Variants in LUZP2 observed in about 807,000 individuals in gnomAD.
The protein encoded by LUZP2 is leucine zipper protein 2.
Under a neutral mutation model 51.6 loss-of-function variants are expected in LUZP2, and 52 were observed. The observed-to-expected ratio is 1.01, with a 90% CI of 0.81 to 1.27. The LOEUF is 1.27. LUZP2 is among the 50% of genes most tolerant of loss of function. LUZP2 has a pLI of 0.00. For missense variants in LUZP2, 436 were observed against 395.4 expected, an observed-to-expected ratio of 1.10 and a Z score of -0.87; for synonymous variants, 154 against 137.3, an observed-to-expected ratio of 1.12 and a Z score of -0.85.
At chr11:24,711,366 C>T (rs988184545) in intron 1 of LUZP2, among the ~76,000 whole-genome samples, 7 of 151,940 alleles carry the variant, frequency 4.6e-5, no homozygotes, top group Admixed American at 6.5e-5. Flanking sequence ...AGGAGAATGG[C>T]GTGAACCCGG....
At chr11:24,528,086 T>C (rs1240302093) in intron 1 of LUZP2, among the ~76,000 whole-genome samples, 3 of 151,286 alleles carry the variant, frequency 2.0e-5, no homozygotes, top group Non-Finnish European at 3.0e-5. Flanking sequence ...TGTAGACATT[T>C]TTTTGATGAA....
At chr11:24,593,136 G>C (rs1853315618) in intron 1 of LUZP2, among the ~76,000 whole-genome samples, 1 of 152,076 alleles carries the variant, frequency 6.6e-6, no homozygotes, top group Non-Finnish European at 1.5e-5. Context: ...AGCTTAGACA[G>C]TCCATTTTTG....
In LUZP2 at chr11:24,933,371, T is replaced by C. The variant is rs79902258; in HGVS notation, c.522+18833T>C. 9.7e-3 allele frequency among the ~76,000 whole-genome samples: 1,473 copies of C among 152,318 alleles called. 20 individuals are homozygous for C. The highest frequency in any genetic ancestry group is 0.045 in the South Asian group (217 of 4,828). On this transcript the variant is annotated intron_variant, in intron 7 of 11. Coordinates refer to ENST00000336930, the MANE Select transcript of LUZP2 (RefSeq NM_001009909.4). ...CCATTTTCGCTGGAATCTCAAAGTA[T>C]TGAAATTTTAAAGAGAATTTGGGTA...
chr11:24,819,575 T>A (rs1212547107), intron 5 of LUZP2, among the ~76,000 whole-genome samples: 1 of 152,096 alleles, frequency 6.6e-6, no homozygotes, highest in Non-Finnish European at 1.5e-5. Flanking sequence ...TGAAATATAT[T>A]TTTTACTGCT....
chr11:24,659,180 A>G (rs1462151223), intron 1 of LUZP2, among the ~76,000 whole-genome samples: 3 of 152,350 alleles, frequency 2.0e-5, no homozygotes, highest in Middle Eastern at 3.4e-3. Flanking sequence ...CCAAATGTCC[A>G]TCAATGATAA....
chr11:24,751,583 T>C, intron 4 of LUZP2: 2 of 982,978 alleles, frequency 2.0e-6, no homozygotes, highest in Non-Finnish European at 2.4e-6. Context: ...CCATCTCCCT[T>C]AGATCCCCTA....
chr11:24,514,063 A>G (rs1458960643), intron 1 of LUZP2, among the ~76,000 whole-genome samples: 2 of 152,168 alleles, frequency 1.3e-5, no homozygotes, highest in South Asian at 2.1e-4. Flanking sequence ...GGAAAATAAA[A>G]TGTCTTAAAG....
Position 24,905,977 on chromosome 11 carries a change from G to A in LUZP2, c.397-14G>A, listed in dbSNP as rs781126664. ...TGTCTCTTCTTTGCAATAAAACTAT[G>A]TTTTCTTCCTCAGAATAAAAGCTTG... On this transcript the variant is annotated splice_polypyrimidine_tract_variant and intron_variant, in intron 5 of 11. Transcript: ENST00000336930. 4 of 1,591,732 alleles carry A rather than the reference G, an allele frequency of 2.5e-6. No homozygotes were observed. The East Asian group carries it at 9.0e-5, about 36-fold the overall frequency.
At chr11:24,693,286 A>G (rs1857136792) in intron 1 of LUZP2, among the ~76,000 whole-genome samples, 1 of 151,496 alleles carries the variant, frequency 6.6e-6, no homozygotes, top group Admixed American at 6.6e-5. Context: ...CTAGAATGGC[A>G]ATATTTTCTG....
chr11:24,881,128 T>G (rs1450505425), intron 5 of LUZP2, among the ~76,000 whole-genome samples: 2 of 152,300 alleles, frequency 1.3e-5, no homozygotes, highest in South Asian at 4.1e-4. Flanking sequence ...CTGTCTGTGG[T>G]ATATGAATTT....
chr11:24,811,769 A>G (rs1013172466), intron 5 of LUZP2, among the ~76,000 whole-genome samples: 4 of 152,118 alleles, frequency 2.6e-5, no homozygotes, highest in Non-Finnish European at 5.9e-5. Context: ...TCCTGCCTAG[A>G]TTAGATAAGG....
chr11:24,645,498 A>G (rs1443919750), intron 1 of LUZP2, among the ~76,000 whole-genome samples: 1 of 152,116 alleles, frequency 6.6e-6, no homozygotes, highest in Non-Finnish European at 1.5e-5. Flanking sequence ...TGCCATAGCA[A>G]TGGGGAAACC....
intron 10 of LUZP2, among the ~76,000 whole-genome samples, chr11:25,051,955 C>G (rs1278386080): frequency 6.6e-6 from 1 of 152,092 alleles, no homozygotes; most frequent in Admixed American, 6.6e-5. Context: ...TTGTGTTGTT[C>G]TCCTTTGTCA....
At position 24,869,525 on chromosome 11, in the gene LUZP2, C is replaced by T. The variant is rs570595191; in HGVS notation, c.397-36466C>T. Among the ~76,000 whole-genome samples, 4 of 152,106 alleles carry T rather than the reference C, an allele frequency of 2.6e-5. No individual in the cohort carries two copies. In the East Asian group the frequency reaches 7.7e-4, roughly 29 times the overall value. On this transcript the variant is annotated intron_variant, in intron 5 of 11. Transcript: ENST00000336930. ...AGGCTGGAGTGGAGTGGCATGAATT[C>T]AGCTCATTGTAACCTCTGCCTTCGG...
At chr11:24,652,503 G>C (rs1187430950) in intron 1 of LUZP2, among the ~76,000 whole-genome samples, 1 of 152,026 alleles carries the variant, frequency 6.6e-6, no homozygotes, top group East Asian at 1.9e-4. Context: ...AGTGAGAAAA[G>C]ATTAAACGTG....
intron 1 of LUZP2, among the ~76,000 whole-genome samples, chr11:24,574,183 T>C (rs1852534334): frequency 6.8e-6 from 1 of 148,082 alleles, no homozygotes; most frequent in African/African-American, 2.5e-5. Context: ...CTTTCTTTCT[T>C]TTCTTTCTTT....
chr11:24,504,229 T>A (rs536965782), intron 1 of LUZP2, among the ~76,000 whole-genome samples: 3 of 152,208 alleles, frequency 2.0e-5, no homozygotes, highest in Non-Finnish European at 2.9e-5. Flanking sequence ...GATAAATCTG[T>A]GCTGAAACTG....
intron 1 of LUZP2, among the ~76,000 whole-genome samples, chr11:24,588,093 T>A (rs989533149): frequency 8.5e-5 from 13 of 152,140 alleles, no homozygotes; most frequent in Non-Finnish European, 1.9e-4. Flanking sequence ...TGGTATTTTT[T>A]AATAAATCTA....
intron 1 of LUZP2, among the ~76,000 whole-genome samples, chr11:24,554,088 C>T (rs528867952): frequency 6.6e-6 from 1 of 152,286 alleles, no homozygotes; most frequent in South Asian, 2.1e-4. Context: ...AGCTGAAAAG[C>T]TGATGGCTGA....
Sources: allele counts gnomAD v4.1 joint callset (sites outside exome capture counted in the v4.1 genomes callset), GRCh38; gene constraint gnomAD v4.1.1; transcripts MANE v1.5; gene names NCBI Gene and HGNC (gene_info 2026-07-23, HGNC 2026-07-21).